NHSL2: variants seen among roughly 807,000 people sequenced by gnomAD.
The protein encoded by NHSL2 is NHS-like protein 2.
Under a neutral mutation model 53.4 loss-of-function variants are expected in NHSL2, and 27 were observed. The observed-to-expected ratio is 0.51, with a 90% CI of 0.37 to 0.70. The LOEUF (loss-of-function observed/expected upper bound fraction) is 0.70. Among genes scored for constraint, NHSL2 ranks in the 30% least tolerant of loss-of-function variants. The pLI is 0.00. For synonymous variants in NHSL2, 408 were observed against 404.1 expected (o/e 1.01, Z -0.12); for missense variants, 892 against 980.1 (o/e 0.91, Z 1.20).
intron 1 of NHSL2, among the ~76,000 whole-genome samples, chrX:72,122,132 G>T (rs1170650418): frequency 8.9e-6 from 1 of 111,900 alleles, no homozygotes; most frequent in Non-Finnish European, 1.9e-5. Context: ...TTTTATGCAC[G>T]TGAAAACATT....
intron 1 of NHSL2, among the ~76,000 whole-genome samples, chrX:71,987,242 T>C (rs1445054689): frequency 8.9e-6 from 1 of 112,205 alleles, no homozygotes; most frequent in Non-Finnish European, 1.9e-5. Context: ...ACTGTTTCTT[T>C]AGTAGTCTCA....
At chrX:72,011,745 G>C (rs1434137866) in intron 1 of NHSL2, among the ~76,000 whole-genome samples, 1 of 111,975 alleles carries the variant, frequency 8.9e-6, no homozygotes, top group Non-Finnish European at 1.9e-5. Flanking sequence ...AATGTATGAG[G>C]ATTCCAGTTT....
At chrX:72,056,271 G>A (rs186968431) in intron 1 of NHSL2, among the ~76,000 whole-genome samples, 18 of 112,042 alleles carry the variant, frequency 1.6e-4, no homozygotes, top group Non-Finnish European at 3.2e-4. Flanking sequence ...AGAGATGCAT[G>A]TACAAAGATG....
intron 1 of NHSL2, among the ~76,000 whole-genome samples, chrX:72,096,073 G>C (rs940062300): frequency 1.8e-5 from 2 of 108,972 alleles, no homozygotes; most frequent in African/African-American, 6.7e-5. Context: ...CTCCTCATCC[G>C]AGGTCCAAGC....
At chrX:71,956,873 C>T (rs2041845147) in intron 1 of NHSL2, among the ~76,000 whole-genome samples, 2 of 111,485 alleles carry the variant, frequency 1.8e-5, no homozygotes, top group African/African-American at 6.5e-5. Flanking sequence ...AGGGTCCTTG[C>T]ATCCAACAGA....
chrX:72,116,658 G>T (rs2042141287), intron 1 of NHSL2, among the ~76,000 whole-genome samples: 1 of 111,725 alleles, frequency 9.0e-6, no homozygotes, highest in South Asian at 3.8e-4. Flanking sequence ...GGGCTCATCA[G>T]GTTACACTGG....
chrX:72,061,612 A>C (rs186315918), intron 1 of NHSL2, among the ~76,000 whole-genome samples: 28 of 112,055 alleles, frequency 2.5e-4, no homozygotes, highest in African/African-American at 9.1e-4. Flanking sequence ...CATAGCAGAC[A>C]TGGTGGTCTT....
chrX:72,001,185 T>C (rs1291912769), intron 1 of NHSL2, among the ~76,000 whole-genome samples: 2 of 112,110 alleles, frequency 1.8e-5, no homozygotes, highest in African/African-American at 6.5e-5. Context: ...ATATTTTACC[T>C]ATGTTCTTAC....
At chrX:72,062,726 G>T (rs1302340352) in intron 1 of NHSL2, among the ~76,000 whole-genome samples, 1 of 112,502 alleles carries the variant, frequency 8.9e-6, no homozygotes, top group Non-Finnish European at 1.9e-5. Context: ...AATTGGTGCT[G>T]GTCGATCCCA....
At chrX:72,107,441 C>A (rs1349955970) in intron 1 of NHSL2, among the ~76,000 whole-genome samples, 1 of 111,944 alleles carries the variant, frequency 8.9e-6, no homozygotes, top group Non-Finnish European at 1.9e-5. Context: ...CACGGCAGGG[C>A]CCATTTAGCC....
intron 1 of NHSL2, among the ~76,000 whole-genome samples, chrX:72,020,405 A>T (rs895111145): frequency 8.9e-6 from 1 of 112,869 alleles, no homozygotes; most frequent in African/African-American, 3.2e-5. Flanking sequence ...CTGACTCTTT[A>T]ACCAGCTGCA....
At chrX:72,016,278 T>C (rs2042135568) in intron 1 of NHSL2, among the ~76,000 whole-genome samples, 1 of 112,277 alleles carries the variant, frequency 8.9e-6, no homozygotes, top group African/African-American at 3.2e-5. Flanking sequence ...TTTATTATTT[T>C]ATTTAACACC....
At chrX:72,042,462 CGCCCTACCCT>C (rs1490892250) in intron 1 of NHSL2, among the ~76,000 whole-genome samples, 1 of 111,591 alleles carries the variant, frequency 9.0e-6, no homozygotes, top group African/African-American at 3.3e-5. Flanking sequence ...TGCTTCCTCA[CGCCCTACCCT>C]GCCTCATGTC....
intron 1 of NHSL2, among the ~76,000 whole-genome samples, chrX:71,995,645 A>G (rs967834907): frequency 8.9e-6 from 1 of 111,770 alleles, no homozygotes; most frequent in African/African-American, 3.3e-5. Context: ...CACCTTCTCA[A>G]TGAAGCTTTC....
rs192612150 is a variant in NHSL2 at position 72,077,133 on chromosome X, T to G, written c.281-54946T>G. Among the ~76,000 whole-genome samples the G allele has an allele frequency of 1.0e-3, 115 of 110,689 alleles. 2 individuals are homozygous for G. The Middle Eastern group carries it at 0.014, about 13-fold the overall frequency. ...GATGCCACACAGGAGATAAAAGTCA[T>G]GCACTGCCCCTGTGGAATATTCTGA... On this transcript the variant is annotated intron_variant, in intron 1 of 7. Coordinates refer to ENST00000633930, the MANE Select transcript of NHSL2 (RefSeq NM_001013627.3).
At chrX:72,105,162 A>C (rs1344064718) in intron 1 of NHSL2, among the ~76,000 whole-genome samples, 1 of 106,251 alleles carries the variant, frequency 9.4e-6, no homozygotes, top group Non-Finnish European at 1.9e-5. Flanking sequence ...TCTATTAACG[A>C]GATCTTGGAT....
chrX:71,927,836 G>A (rs2041693488), intron 1 of NHSL2, among the ~76,000 whole-genome samples: 1 of 111,977 alleles, frequency 8.9e-6, no homozygotes, highest in Admixed American at 9.4e-5. Flanking sequence ...TGGGATTACA[G>A]GCCTGAGCCA....
chrX:71,926,778 A>C (rs1157734647), intron 1 of NHSL2, among the ~76,000 whole-genome samples: 2 of 111,699 alleles, frequency 1.8e-5, no homozygotes, highest in African/African-American at 6.5e-5. Flanking sequence ...TACATGAAGC[A>C]CTTGAGATAA....
intron 1 of NHSL2, among the ~76,000 whole-genome samples, chrX:71,997,234 G>A (rs1269941654): frequency 2.7e-5 from 3 of 111,616 alleles, no homozygotes; most frequent in East Asian, 2.8e-4. Flanking sequence ...AGGACTCTAC[G>A]ACAACAATGG....
Sources: gnomAD v4.1 joint callset for allele counts (sites outside exome capture counted in the v4.1 genomes callset) on GRCh38, gnomAD v4.1.1 for gene constraint, MANE v1.5 for transcripts, NCBI Gene and HGNC (gene_info 2026-07-23, HGNC 2026-07-21) for gene names.